The following PTAR1 variants were observed in gnomAD, a reference collection of about 807,000 sequenced individuals.
The protein encoded by PTAR1 is protein prenyltransferase alpha subunit repeat-containing protein 1.
Under a neutral mutation model 45.5 loss-of-function variants are expected in PTAR1, and 17 were observed. The ratio of observed to expected loss-of-function variants is 0.37; its 90% CI spans 0.26 to 0.56. The LOEUF (loss-of-function observed/expected upper bound fraction) is 0.56, where lower values mean the gene tolerates loss of function less well. Ranked by LOEUF, PTAR1 falls within the 20% of genes least tolerant of loss-of-function variation. The pLI, the probability that PTAR1 is intolerant of heterozygous loss-of-function variation, is 0.77. For missense variants in PTAR1, 391 were observed against 476.3 expected (o/e 0.82, Z 1.67); for synonymous variants, 169 against 171.3 (o/e 0.99, Z 0.11).
At chr9:69,756,802 T>G (rs1396622547) in intron 1 of PTAR1, among the ~76,000 whole-genome samples, 1 of 152,166 alleles carries the variant, frequency 6.6e-6, no homozygotes, top group African/African-American at 2.4e-5. Context: ...TATAAACTAC[T>G]TTGGAGGGTT....
chr9:69,728,725 A>T (rs1447401060), intron 5 of PTAR1, among the ~76,000 whole-genome samples: 1 of 152,190 alleles, frequency 6.6e-6, no homozygotes, highest in East Asian at 1.9e-4. Context: ...CTACCCTCAA[A>T]TATAAAAATA....
chr9:69,733,827 A>G (rs918337), intron 4 of PTAR1, among the ~76,000 whole-genome samples: 43,549 of 152,068 alleles, frequency 0.29, 7,673 homozygotes, highest in Admixed American at 0.4. Flanking sequence ...AATAGCTAAC[A>G]TTTATTGAGT....
At chr9:69,750,499 AC>A (rs1234817052) in intron 2 of PTAR1, among the ~76,000 whole-genome samples, 2 of 151,652 alleles carry the variant, frequency 1.3e-5, no homozygotes, top group Admixed American at 1.3e-4. Flanking sequence ...ATGAAATCTT[AC>A]CAATGACCCC....
At chr9:69,747,365 C>A (rs1236585812) in intron 2 of PTAR1, among the ~76,000 whole-genome samples, 1 of 152,184 alleles carries the variant, frequency 6.6e-6, no homozygotes, top group Non-Finnish European at 1.5e-5. Flanking sequence ...CGTGCATGTG[C>A]TGGCAACCAC....
rs996678661 is a variant in PTAR1, at chr9:69,711,959, T to A, written c.*6383A>T. 2 of 152,146 alleles carry A rather than the reference T, an allele frequency of 1.3e-5. No individual in the cohort carries two copies. Among genetic ancestry groups the A allele is most frequent in the South Asian group, 2.1e-4 (1 of 4,836 alleles). 9.4% of individuals were successfully genotyped at this position (152,146 alleles called of 1,614,324 possible). A position where few individuals can be genotyped will look rare whatever the true frequency, so the allele number is the denominator to read the frequency against. The stretch of plus-strand genomic sequence containing the variant: ...TCACTGACTAAGCATTTATTGAGCA[T>A]CTACTATAACTGTACCCAGTCTTTA... On this transcript the variant is annotated 3_prime_UTR_variant, in exon 8 of 8. Transcript: ENST00000340434.
chr9:69,737,171 C>A (rs1028865931), intron 3 of PTAR1, among the ~76,000 whole-genome samples: 5 of 152,056 alleles, frequency 3.3e-5, no homozygotes, highest in African/African-American at 4.8e-5. Flanking sequence ...TCTCTGCCTC[C>A]TGGGCTCAAG....
In PTAR1 at chr9:69,721,405, C is replaced by CA. The variant is rs372571084; in HGVS notation, c.947+1920dup. ...TGCTTTTTATGGATGAACCAAAAAA[C>CA]AAAAAAAAGTGGTTTCCTGAGATAG... On this transcript the variant is annotated intron_variant, in intron 6 of 7. Coordinates refer to ENST00000340434, the MANE Select transcript of PTAR1 (RefSeq NM_001099666.2). 1.3e-3 allele frequency among the ~76,000 whole-genome samples: 199 copies of CA among 151,252 alleles called. 1 individual carries two copies. Among genetic ancestry groups the CA allele is most frequent in the Non-Finnish European group, 2.2e-3 (147 of 67,750 alleles).
intron 2 of PTAR1, among the ~76,000 whole-genome samples, chr9:69,747,519 GTTTCT>G (rs1826326027): frequency 6.6e-6 from 1 of 152,148 alleles, no homozygotes; most frequent in African/African-American, 2.4e-5. Flanking sequence ...TAACATAAAT[GTTTCT>G]AGGGTTCAAA....
intron 1 of PTAR1, chr9:69,758,263 A>C (rs904011530): frequency 1.3e-5 from 2 of 152,282 alleles, no homozygotes; most frequent in Non-Finnish European, 2.9e-5. Context: ...AGTCTACCTC[A>C]AAGAAGAGAA....
At chr9:69,718,707 G>A in intron 6 of PTAR1, 23 bp from the exon 7 acceptor site, 1 of 1,452,182 alleles carries the variant, frequency 6.9e-7, no homozygotes, top group Non-Finnish European at 9.3e-7. Flanking sequence ...GGGGAAGGAA[G>A]AGAATAAAGA....
chr9:69,756,081 T>C (rs1826761613), intron 1 of PTAR1, among the ~76,000 whole-genome samples: 1 of 152,166 alleles, frequency 6.6e-6, no homozygotes, highest in Admixed American at 6.5e-5. Flanking sequence ...TACTACACTA[T>C]TATTTAAATA....
Position 69,723,528 on chromosome 9 carries a change from T to C in PTAR1, c.745A>G (p.Ser249Gly). Residue 249 changes from serine (S) to glycine (G), a missense_variant, in exon 6 of 8, where the codon AGC becomes GGC. Ser to Gly is a moderately conservative substitution (Grantham distance 56). Coordinates refer to ENST00000340434, the MANE Select transcript of PTAR1 (RefSeq NM_001099666.2). ...YRQFLLKSLI[S>G]QTVIDSSVME... The stretch of plus-strand genomic sequence containing the variant: ...ACAGAACTGTCTATCACAGTTTGGC[T>C]AATCAAAGACTTAAGCAAAAACTGG... The C allele has an allele frequency of 6.2e-7, 1 of 1,613,894 alleles. No individual in the cohort carries two copies. The highest frequency in any genetic ancestry group is 8.5e-7 in the Non-Finnish European group (1 of 1,179,806).
chr9:69,722,118 G>A (rs553068438), intron 6 of PTAR1, among the ~76,000 whole-genome samples: 17 of 152,292 alleles, frequency 1.1e-4, no homozygotes, highest in African/African-American at 3.8e-4. Context: ...AATATATTTA[G>A]TAAGGAAAAG....
chr9:69,718,123 G>A lies in PTAR1; in HGVS notation c.*219C>T, dbSNP rs543182055. ...AAGTTAAACAGAAAATTTAAGACTC[G>A]CTGTTCAGCAGGAAGGAACTATACG... is the stretch of plus-strand genomic sequence containing the variant. On this transcript the variant is annotated 3_prime_UTR_variant, in exon 8 of 8. Coordinates refer to ENST00000340434, the MANE Select transcript of PTAR1 (RefSeq NM_001099666.2). 2.6e-5 allele frequency: 11 copies of A among 426,534 alleles called. No homozygotes were observed. Among genetic ancestry groups the A allele is most frequent in the Admixed American group, 7.7e-5 (2 of 25,854 alleles). 26.4% of individuals were successfully genotyped at this position (426,534 alleles called of 1,614,324 possible). A position where few individuals can be genotyped will look rare whatever the true frequency, so the allele number is the denominator to read the frequency against.
At chr9:69,720,901 G>A (rs1824968607) in intron 6 of PTAR1, among the ~76,000 whole-genome samples, 1 of 152,156 alleles carries the variant, frequency 6.6e-6, no homozygotes, top group African/African-American at 2.4e-5. Context: ...AAATATTACT[G>A]CGCATTGACT....
At chr9:69,752,138 C>A (rs1242071996) in intron 1 of PTAR1, among the ~76,000 whole-genome samples, 1 of 151,972 alleles carries the variant, frequency 6.6e-6, no homozygotes, top group Non-Finnish European at 1.5e-5. Flanking sequence ...TTAAACATGT[C>A]TTTAAAAAGC....
intron 2 of PTAR1, among the ~76,000 whole-genome samples, chr9:69,747,077 A>G (rs1826306559): frequency 1.3e-5 from 2 of 152,248 alleles, no homozygotes; most frequent in African/African-American, 4.8e-5. Flanking sequence ...ACTAAGCTAA[A>G]AACTCTTGCT....
intron 5 of PTAR1, among the ~76,000 whole-genome samples, chr9:69,724,731 G>A (rs1009654809): frequency 6.6e-6 from 1 of 152,150 alleles, no homozygotes; most frequent in Non-Finnish European, 1.5e-5. Flanking sequence ...CTCAGTGAGT[G>A]AGGGCTTTAA....
intron 1 of PTAR1, among the ~76,000 whole-genome samples, chr9:69,755,599 C>T (rs561276448): frequency 3.9e-5 from 6 of 152,208 alleles, no homozygotes; most frequent in Admixed American, 3.3e-4. Context: ...ATGGTAAAAA[C>T]ATTTTAAATC....
Sources: gnomAD v4.1 joint callset for allele counts (sites outside exome capture counted in the v4.1 genomes callset) on GRCh38, gnomAD v4.1.1 for gene constraint, MANE v1.5 for transcripts, NCBI Gene and HGNC (gene_info 2026-07-23, HGNC 2026-07-21) for gene names.